Variants in RBFOX1 observed in about 807,000 individuals in gnomAD.
RBFOX1 encodes the protein RNA binding protein fox-1 homolog 1.
In RBFOX1, 8 loss-of-function variants were observed where a neutral mutation model predicts 57.7. The observed-to-expected ratio is 0.14, with a 90% CI of 0.08 to 0.25. The LOEUF (loss-of-function observed/expected upper bound fraction) is 0.25, where lower values mean the gene tolerates loss of function less well. Among genes scored for constraint, RBFOX1 ranks in the 10% least tolerant of loss-of-function variants. RBFOX1 has a pLI of 1.00. For missense variants in RBFOX1, 611 were observed against 548.5 expected, an observed-to-expected ratio of 1.11 and a Z score of -1.14; for synonymous variants, 326 against 222.4, an observed-to-expected ratio of 1.47 and a Z score of -4.15.
intron 3 of RBFOX1, among the ~76,000 whole-genome samples, chr16:6,972,083 T>C (rs545949656): frequency 1.3e-5 from 2 of 152,242 alleles, no homozygotes; most frequent in Admixed American, 6.5e-5. Context: ...TATTACAGCA[T>C]TTTTTTCCCA....
At chr16:6,001,968 CTTTT>C (rs35956460) in intron 4 of RBFOX1, among the ~76,000 whole-genome samples, 3 of 136,106 alleles carry the variant, frequency 2.2e-5, no homozygotes, top group Admixed American at 7.4e-5. Flanking sequence ...GCTCTTAAAC[CTTTT>C]TTTTTTTTTT....
chr16:6,937,072 C>T (rs1371698165), intron 3 of RBFOX1, among the ~76,000 whole-genome samples: 1 of 151,508 alleles, frequency 6.6e-6, no homozygotes, highest in Non-Finnish European at 1.5e-5. Flanking sequence ...TGCACATGTA[C>T]CCTAAAACTT....
At chr16:7,389,817 A>T (rs2097960240) in intron 4 of RBFOX1, among the ~76,000 whole-genome samples, 1 of 152,156 alleles carries the variant, frequency 6.6e-6, no homozygotes, top group Non-Finnish European at 1.5e-5. Flanking sequence ...TTAAGGCTTG[A>T]TATGCATACA....
At chr16:7,599,829 G>C (rs1363283005) in intron 9 of RBFOX1, among the ~76,000 whole-genome samples, 1 of 151,110 alleles carries the variant, frequency 6.6e-6, no homozygotes, top group Non-Finnish European at 1.5e-5. Flanking sequence ...TAGAGACGGA[G>C]TTTCACCAAG....
At chr16:6,905,364 C>G (rs949118778) in intron 3 of RBFOX1, among the ~76,000 whole-genome samples, 1 of 151,948 alleles carries the variant, frequency 6.6e-6, no homozygotes, top group Non-Finnish European at 1.5e-5. Context: ...GACTCCCAGG[C>G]CAACAAGGCA....
intron 4 of RBFOX1, among the ~76,000 whole-genome samples, chr16:5,914,951 A>G (rs1432994685): frequency 6.6e-6 from 1 of 152,188 alleles, no homozygotes; most frequent in Non-Finnish European, 1.5e-5. Flanking sequence ...AGGGTTCACC[A>G]GTTGGAACCC....
At chr16:7,152,931 T>G (rs1190429525) in intron 4 of RBFOX1, among the ~76,000 whole-genome samples, 1 of 152,238 alleles carries the variant, frequency 6.6e-6, no homozygotes, top group Non-Finnish European at 1.5e-5. Context: ...AAACAAAATC[T>G]AGGCAAGGAG....
At chr16:6,983,169 C>T (rs910728469) in intron 3 of RBFOX1, among the ~76,000 whole-genome samples, 5 of 151,972 alleles carry the variant, frequency 3.3e-5, no homozygotes, top group African/African-American at 4.8e-5. Flanking sequence ...GATAGCACAC[C>T]AAGCCTCTAC....
At position 5,406,391 on chromosome 16, in the gene RBFOX1, A is replaced by G. The variant is rs149872163; in HGVS notation, c.220-60825A>G. ...TCTGACTGCTTGAGCTGGGACGTCAATCTTCTTATGCCTTCAGTGTTCTGG... is the reference window on the plus strand; with the variant it reads ...TCTGACTGCTTGAGCTGGGACGTCAGTCTTCTTATGCCTTCAGTGTTCTGG... On this transcript the variant is annotated intron_variant, in intron 1 of 2. Coordinates refer to the RBFOX1 transcript ENST00000585867. 4.1e-3 allele frequency among the ~76,000 whole-genome samples: 628 copies of G among 152,242 alleles called. 3 individuals carry two copies. Among genetic ancestry groups the G allele is most frequent in the Non-Finnish European group, 6.6e-3 (448 of 68,000 alleles).
At chr16:6,642,570 C>T (rs967723443) in intron 2 of RBFOX1, among the ~76,000 whole-genome samples, 1 of 151,834 alleles carries the variant, frequency 6.6e-6, no homozygotes, top group Non-Finnish European at 1.5e-5. Context: ...GATATGGAAG[C>T]CTCTTGTCCT....
At chr16:6,714,391 G>A (rs890315605) in intron 3 of RBFOX1, among the ~76,000 whole-genome samples, 4 of 152,120 alleles carry the variant, frequency 2.6e-5, no homozygotes, top group Admixed American at 2.6e-4. Context: ...GGGGAGAAAA[G>A]GCCACCTGCA....
chr16:7,174,444 G>A (rs1352118903), intron 4 of RBFOX1, among the ~76,000 whole-genome samples: 1 of 152,122 alleles, frequency 6.6e-6, no homozygotes, highest in African/African-American at 2.4e-5. Flanking sequence ...ATTTAGGAGT[G>A]GAATTGCTGG....
At chr16:7,113,177 A>G (rs117531563) in intron 4 of RBFOX1, among the ~76,000 whole-genome samples, 3,239 of 152,292 alleles carry the variant, frequency 0.021, 48 homozygotes, top group Non-Finnish European at 0.033. Flanking sequence ...AAATACACAG[A>G]TACATAAATA....
At chr16:5,996,948 C>T (rs551437255) in intron 4 of RBFOX1, among the ~76,000 whole-genome samples, 1 of 152,194 alleles carries the variant, frequency 6.6e-6, no homozygotes, top group African/African-American at 2.4e-5. Flanking sequence ...TTCGTCCAAA[C>T]TGACGAGCAA....
intron 3 of RBFOX1, among the ~76,000 whole-genome samples, chr16:7,003,653 T>C (rs1318884243): frequency 6.6e-6 from 1 of 152,136 alleles, no homozygotes; most frequent in Non-Finnish European, 1.5e-5. Flanking sequence ...CAAAGGTTGA[T>C]ACATGTAGCA....
chr16:6,183,393 T>C (rs1010002862), intron 1 of RBFOX1, among the ~76,000 whole-genome samples: 1 of 151,858 alleles, frequency 6.6e-6, no homozygotes, highest in Non-Finnish European at 1.5e-5. Flanking sequence ...GGCAGGATAA[T>C]AGCTTGAACT....
intron 4 of RBFOX1, among the ~76,000 whole-genome samples, chr16:7,394,180 G>A (rs1298697330): frequency 7.5e-6 from 1 of 134,098 alleles, no homozygotes; most frequent in Admixed American, 8.2e-5. Flanking sequence ...AGGTTGTAGT[G>A]AGCCAAGATC....
At chr16:6,855,822 C>CCTCT (rs2057761543) in intron 3 of RBFOX1, among the ~76,000 whole-genome samples, 1 of 144,982 alleles carries the variant, frequency 6.9e-6, no homozygotes, top group South Asian at 2.1e-4. Flanking sequence ...TTCCTTCCTC[C>CCTCT]TTCCCTCCCT....
chr16:5,707,796 C>T (rs969278912), intron 3 of RBFOX1, among the ~76,000 whole-genome samples: 4 of 152,164 alleles, frequency 2.6e-5, no homozygotes, highest in African/African-American at 7.2e-5. Context: ...GGAATACTTG[C>T]TGCTAAGACA....
Sources: gnomAD v4.1 joint callset for allele counts (sites outside exome capture counted in the v4.1 genomes callset) on GRCh38, gnomAD v4.1.1 for gene constraint, MANE v1.5 for transcripts, NCBI Gene and HGNC (gene_info 2026-07-23, HGNC 2026-07-21) for gene names.